The following TNIP3 variants were observed in gnomAD, a reference collection of about 807,000 sequenced individuals.
TNIP3 encodes TNFAIP3 interacting protein 3.
In TNIP3, 34 loss-of-function variants were observed where a neutral mutation model predicts 54.1. The ratio of observed to expected loss-of-function variants is 0.63; its 90% CI spans 0.48 to 0.84. TNIP3 has a LOEUF of 0.84. Ranked by LOEUF, TNIP3 falls within the 40% of genes least tolerant of loss-of-function variation. The pLI is 0.00. For missense variants in TNIP3, 366 were observed against 387.6 expected, an observed-to-expected ratio of 0.94 and a Z score of 0.47; for synonymous variants, 134 against 136.8, an observed-to-expected ratio of 0.98 and a Z score of 0.14.
intron 3 of TNIP3, among the ~76,000 whole-genome samples, chr4:121,179,868 A>G (rs1274518826): frequency 6.6e-6 from 1 of 152,090 alleles, no homozygotes; most frequent in Non-Finnish European, 1.5e-5. Context: ...TATTGAATTC[A>G]CTTCAGGAAA....
Position 121,226,818 on chromosome 4 carries a change from T to C in TNIP3, c.3+567A>G, listed in dbSNP as rs1256724263. 3.9e-5 allele frequency among the ~76,000 whole-genome samples: 6 copies of C among 152,320 alleles called. No individual in the cohort carries two copies. In the East Asian group the frequency reaches 5.8e-4, roughly 15 times the overall value. ...TAAATAAAACAGTCCAGTAACTTTA[T>C]ATTCAGAAATACATTCTTTTAGAAT... On this transcript the variant is annotated intron_variant, in intron 1 of 12. Transcript: ENST00000509841.
intron 2 of TNIP3, chr4:121,216,338 C>A: frequency 8.0e-7 from 1 of 1,245,274 alleles, no homozygotes. Context: ...AATACACTAT[C>A]ATTGCCACAA....
Position 121,132,736 on chromosome 4 carries a change from A to T in TNIP3, c.947-74T>A. ...TTTCTCTTCTTCTGGCTTAAGGCTG[A>T]CATAAAGTTCCAGGATGGCAAAAAA... On this transcript the variant is annotated intron_variant, in intron 10 of 10. Transcript: ENST00000057513. 15 of 1,389,846 alleles carry T rather than the reference A, an allele frequency of 1.1e-5. No homozygotes were observed. The South Asian group carries it at 1.8e-4, about 17-fold the overall frequency. 86.1% of individuals were successfully genotyped at this position (1,389,846 alleles called of 1,614,324 possible).
intron 10 of TNIP3, among the ~76,000 whole-genome samples, chr4:121,134,981 G>C (rs542098124): frequency 3.4e-4 from 52 of 152,190 alleles, no homozygotes; most frequent in African/African-American, 1.1e-3. Flanking sequence ...TGTGTGTAGA[G>C]TGGTGAGGGG....
exon 3 of TNIP3, chr4:121,182,743 G>T (rs1475672706): frequency 2.6e-6 from 4 of 1,534,104 alleles, no homozygotes. Context: ...ATGAGGAGAC[G>T]CATTTCTCTC....
rs559094457 is a variant in TNIP3 at position 121,213,419 on chromosome 4, A to AT, written c.68+2995dup. 4.8e-4 allele frequency among the ~76,000 whole-genome samples: 73 copies of AT among 151,950 alleles called. 1 individual carries two copies. Among genetic ancestry groups the AT allele is most frequent in the African/African-American group, 1.6e-3 (65 of 41,462 alleles). ...TTATAATTTTCTGAATGCATAATCC[A>AT]TTTTTTTTAAAAAAAGACATTCTTC... On this transcript the variant is annotated intron_variant, in intron 2 of 12. Coordinates refer to the TNIP3 transcript ENST00000507879.
chr4:121,179,420 C>G (rs1021553019), intron 3 of TNIP3, among the ~76,000 whole-genome samples: 1 of 152,124 alleles, frequency 6.6e-6, no homozygotes, highest in African/African-American at 2.4e-5. Flanking sequence ...GGTATTTACC[C>G]CAACAAGTAT....
At chr4:121,151,517 AAGC>A (rs1315095695) in intron 5 of TNIP3, among the ~76,000 whole-genome samples, 1 of 152,186 alleles carries the variant, frequency 6.6e-6, no homozygotes, top group Non-Finnish European at 1.5e-5. Flanking sequence ...GAATTTAAAG[AAGC>A]AACAAAAGTA....
At chr4:121,152,720 A>G (rs1328863808) in intron 5 of TNIP3, among the ~76,000 whole-genome samples, 1 of 152,196 alleles carries the variant, frequency 6.6e-6, no homozygotes, top group African/African-American at 2.4e-5. Context: ...TTAAAATGAT[A>G]TTTTACAAAT....
chr4:121,146,556 G>A (rs1729442106), intron 7 of TNIP3, among the ~76,000 whole-genome samples: 1 of 152,024 alleles, frequency 6.6e-6, no homozygotes, highest in Admixed American at 6.6e-5. Context: ...ATAAACTGGT[G>A]ACCATTATCT....
chr4:121,165,279 C>G (rs563577544), upstream of TNIP3, among the ~76,000 whole-genome samples: 4 of 152,112 alleles, frequency 2.6e-5, no homozygotes, highest in East Asian at 7.7e-4. Context: ...CAACTCTCCC[C>G]TGTGCTCCAA....
intron 2 of TNIP3, among the ~76,000 whole-genome samples, chr4:121,215,980 A>AT (rs1296136945): frequency 2.6e-5 from 4 of 151,916 alleles, no homozygotes; most frequent in Non-Finnish European, 4.4e-5. Flanking sequence ...TAAGTAAGGG[A>AT]TTTTTTTTCA....
At chr4:121,194,288 C>T (rs1428474787) in intron 2 of TNIP3, among the ~76,000 whole-genome samples, 8 of 151,768 alleles carry the variant, frequency 5.3e-5, no homozygotes, top group East Asian at 1.9e-4. Flanking sequence ...TTTTTGTGCA[C>T]GTCTTAAAAA....
intron 1 of TNIP3, chr4:121,227,259 C>A (rs1350300834): frequency 6.8e-6 from 5 of 735,384 alleles, no homozygotes; most frequent in East Asian, 5.5e-5. Context: ...TTACTGAGTT[C>A]CTGATCAGTT....
intron 10 of TNIP3, among the ~76,000 whole-genome samples, chr4:121,134,481 A>G (rs1426413250): frequency 6.6e-6 from 1 of 152,266 alleles, no homozygotes; most frequent in Non-Finnish European, 1.5e-5. Context: ...TTTCTAAACA[A>G]AAGCTGTAAC....
intron 2 of TNIP3, among the ~76,000 whole-genome samples, chr4:121,202,307 G>C (rs1413076438): frequency 6.6e-6 from 1 of 152,052 alleles, no homozygotes; most frequent in Non-Finnish European, 1.5e-5. Context: ...AAAACATAAA[G>C]TGGGGAAAGG....
At chr4:121,141,347 T>C (rs1294311351) in intron 9 of TNIP3, among the ~76,000 whole-genome samples, 3 of 152,220 alleles carry the variant, frequency 2.0e-5, no homozygotes, top group Non-Finnish European at 4.4e-5. Context: ...AGTGGGTCAC[T>C]TTTTCTTGGA....
intron 2 of TNIP3, among the ~76,000 whole-genome samples, chr4:121,185,856 A>G (rs757399787): frequency 1.6e-4 from 25 of 152,230 alleles, no homozygotes; most frequent in South Asian, 4.1e-4. Context: ...ACAACAATTG[A>G]GTATCCATTA....
intron 2 of TNIP3, among the ~76,000 whole-genome samples, chr4:121,210,779 A>G (rs1312650761): frequency 6.6e-6 from 1 of 152,098 alleles, no homozygotes; most frequent in Non-Finnish European, 1.5e-5. Context: ...CCCCACCCTT[A>G]TGACTTCACT....
Sources: allele counts gnomAD v4.1 joint callset (sites outside exome capture counted in the v4.1 genomes callset), GRCh38; gene constraint gnomAD v4.1.1; transcripts MANE v1.5; gene names NCBI Gene and HGNC (gene_info 2026-07-23, HGNC 2026-07-21).